SREK1IP1: variants seen among roughly 807,000 people sequenced by gnomAD.
SREK1IP1 encodes protein SREK1IP1.
A neutral mutation model predicts 22.8 loss-of-function variants in SREK1IP1; 12 were observed. The ratio of observed to expected loss-of-function variants is 0.53; its 90% CI spans 0.34 to 0.85. The LOEUF (loss-of-function observed/expected upper bound fraction) is 0.85, where lower values mean the gene tolerates loss of function less well. Ranked by LOEUF, SREK1IP1 falls within the 40% of genes least tolerant of loss-of-function variation. SREK1IP1 has a pLI of 0.02. For synonymous variants in SREK1IP1, 53 were observed against 52.7 expected (o/e 1.01, Z -0.02); for missense variants, 147 against 171.8 (o/e 0.86, Z 0.81).
chr5:64,743,497 T>C (rs1742583106), intron 2 of SREK1IP1, among the ~76,000 whole-genome samples: 1 of 152,242 alleles, frequency 6.6e-6, no homozygotes, highest in African/African-American at 2.4e-5. Context: ...AAGGGTTCTA[T>C]ATCTGTTTGC....
At chr5:64,760,002 T>C (rs1019648484) in intron 1 of SREK1IP1, among the ~76,000 whole-genome samples, 1 of 152,242 alleles carries the variant, frequency 6.6e-6, no homozygotes, top group African/African-American at 2.4e-5. Context: ...TCCCAATTTA[T>C]GTGCACAAAT....
chr5:64,727,569 TGGGC>T, intron 4 of SREK1IP1: 1 of 137,678 alleles, frequency 7.3e-6, no homozygotes, highest in African/African-American at 2.9e-5. Flanking sequence ...TTTTTTTTGG[TGGGC>T]GGGGGGCAGA....
At chr5:64,766,217 T>C (rs995558408) in intron 1 of SREK1IP1, among the ~76,000 whole-genome samples, 2 of 152,202 alleles carry the variant, frequency 1.3e-5, no homozygotes, top group Non-Finnish European at 2.9e-5. Context: ...CTATTAACTA[T>C]TTGCATTCCT....
intron 4 of SREK1IP1, 101 bp from the exon 5 acceptor site, chr5:64,724,674 G>C: frequency 1.1e-6 from 1 of 926,498 alleles, no homozygotes. Flanking sequence ...GAGTAAGGTA[G>C]GGAGTATAAA....
chr5:64,728,781 A>G (rs770485518), intron 3 of SREK1IP1, among the ~76,000 whole-genome samples: 2 of 152,220 alleles, frequency 1.3e-5, no homozygotes, highest in Non-Finnish European at 2.9e-5. Context: ...TATTAAACAC[A>G]GAAGTGTTCC....
At chr5:64,761,095 A>C (rs1236067588) in intron 1 of SREK1IP1, among the ~76,000 whole-genome samples, 1 of 152,218 alleles carries the variant, frequency 6.6e-6, no homozygotes, top group Non-Finnish European at 1.5e-5. Flanking sequence ...ACTTTCAATA[A>C]AATTTTATTA....
At chr5:64,729,696 G>C (rs1421361087) in intron 3 of SREK1IP1, among the ~76,000 whole-genome samples, 1 of 152,112 alleles carries the variant, frequency 6.6e-6, no homozygotes, top group Non-Finnish European at 1.5e-5. Flanking sequence ...GGCCAGAGAT[G>C]GTGTCCTGAG....
At chr5:64,764,689 T>C (rs1286569660) in intron 1 of SREK1IP1, among the ~76,000 whole-genome samples, 1 of 152,158 alleles carries the variant, frequency 6.6e-6, no homozygotes, top group Non-Finnish European at 1.5e-5. Context: ...GTTAAGTGGC[T>C]TGAAGAGAAC....
intron 1 of SREK1IP1, among the ~76,000 whole-genome samples, chr5:64,761,763 C>T (rs901729716): frequency 7.2e-5 from 11 of 152,180 alleles, no homozygotes; most frequent in African/African-American, 1.4e-4. Context: ...CTAAGAAATA[C>T]GCGTGTGCGT....
At chr5:64,747,870 T>G (rs540071892) in intron 2 of SREK1IP1, among the ~76,000 whole-genome samples, 2 of 151,938 alleles carry the variant, frequency 1.3e-5, no homozygotes, top group African/African-American at 2.4e-5. Context: ...AGAGGTTAGG[T>G]TGCAGTGAGC....
At chr5:64,763,675 C>G (rs1414007570) in intron 1 of SREK1IP1, among the ~76,000 whole-genome samples, 1 of 152,190 alleles carries the variant, frequency 6.6e-6, no homozygotes, top group Non-Finnish European at 1.5e-5. Context: ...TGCTCAGCAG[C>G]AGTTATAGTA....
intron 2 of SREK1IP1, among the ~76,000 whole-genome samples, chr5:64,749,076 T>C (rs1265470597): frequency 1.4e-5 from 2 of 145,484 alleles, no homozygotes; most frequent in East Asian, 2.0e-4. Context: ...ATAATAATAA[T>C]AATAATAATA....
At chr5:64,743,700 T>C (rs1384414628) in intron 2 of SREK1IP1, among the ~76,000 whole-genome samples, 2 of 151,816 alleles carry the variant, frequency 1.3e-5, no homozygotes, top group Admixed American at 1.3e-4. Context: ...GTAACACAGA[T>C]TTTGCTATAT....
rs1742156015 is a variant in SREK1IP1 at position 64,721,190 on chromosome 5, A to G, written c.*3194T>C. ...CATGTTCATGTCAATTACTGCACTA[A>G]TTATATAACGGTGTATGCTCTGGTG... On this transcript the variant is annotated 3_prime_UTR_variant, in exon 5 of 5. Coordinates refer to ENST00000513458, the MANE Select transcript of SREK1IP1 (RefSeq NM_173829.4). The G allele has an allele frequency of 6.6e-6, 1 of 152,206 alleles. No individual in the cohort carries two copies. The highest frequency in any genetic ancestry group is 2.4e-5 in the African/African-American group (1 of 41,452). 9.4% of individuals were successfully genotyped at this position (152,206 alleles called of 1,614,324 possible).
rs957879951 is a variant in SREK1IP1, at chr5:64,723,574, T to C, written c.*810A>G. On this transcript the variant is annotated 3_prime_UTR_variant, in exon 5 of 5. Transcript: ENST00000513458. The stretch of plus-strand genomic sequence containing the variant: ...AATTTCTGTGTTTGAGGTATCACTG[T>C]AAGACATGCCAATATGGCACATTTG... 2 of 152,646 alleles carry C rather than the reference T, an allele frequency of 1.3e-5. No homozygotes were observed. The highest frequency in any genetic ancestry group is 4.8e-5 in the African/African-American group (2 of 41,460). The allele number at this position is 152,646 out of a possible 1,614,324, so 9.5% of individuals were successfully genotyped here. A position where few individuals can be genotyped will look rare whatever the true frequency, so the allele number is the denominator to read the frequency against.
chr5:64,740,944 G>T, intron 3 of SREK1IP1, 113 bp downstream of exon 3: 1 of 954,788 alleles, frequency 1.0e-6, no homozygotes, highest in Non-Finnish European at 1.5e-6. Flanking sequence ...TTCCTATGCA[G>T]TAGCTCTTAC....
intron 1 of SREK1IP1, among the ~76,000 whole-genome samples, chr5:64,758,282 C>T (rs1561391979): frequency 6.6e-6 from 1 of 152,178 alleles, no homozygotes; most frequent in African/African-American, 2.4e-5. Flanking sequence ...GATTCTCCTG[C>T]CTCAGCCTCC....
Position 64,718,521 on chromosome 5 carries a change from C to CA in SREK1IP1, c.*5862dup, listed in dbSNP as rs1175709401. On this transcript the variant is annotated 3_prime_UTR_variant, in exon 5 of 5. Transcript: ENST00000513458. Reference sequence around the variant, plus strand: ...TGGGCACAAACAATATACTCAGTAACAAAAAAATCACAATGTATAATCTGT... The same window carrying CA: ...TGGGCACAAACAATATACTCAGTAACAAAAAAAATCACAATGTATAATCTGT... 1.3e-5 allele frequency: 2 copies of CA among 151,860 alleles called. No homozygotes were observed. The highest frequency in any genetic ancestry group is 6.6e-5 in the Admixed American group (1 of 15,226). The allele number at this position is 151,860 out of a possible 1,614,324, so 9.4% of individuals were successfully genotyped here.
rs1742652874 is a variant in SREK1IP1, at chr5:64,747,193, G to C, written c.62-5993C>G. On this transcript the variant is annotated intron_variant, in intron 2 of 4. Coordinates refer to ENST00000513458, the MANE Select transcript of SREK1IP1 (RefSeq NM_173829.4). Reference sequence around the variant, plus strand: ...AAGGCCCCATTAGATAGGCGTGATTGATTCAATCACTGACCACTGGTGATT... The same window carrying C: ...AAGGCCCCATTAGATAGGCGTGATTCATTCAATCACTGACCACTGGTGATT... Among the ~76,000 whole-genome samples, 5 of 152,246 alleles carry C rather than the reference G, an allele frequency of 3.3e-5. No individual in the cohort carries two copies. The South Asian group carries it at 1.0e-3, about 32-fold the overall frequency.
Sources: gnomAD v4.1 joint callset for allele counts (sites outside exome capture counted in the v4.1 genomes callset) on GRCh38, gnomAD v4.1.1 for gene constraint, MANE v1.5 for transcripts, NCBI Gene and HGNC (gene_info 2026-07-23, HGNC 2026-07-21) for gene names.